STK3: variants seen among roughly 807,000 people sequenced by gnomAD.
STK3 encodes serine/threonine-protein kinase 3.
STK3 carries 41 observed loss-of-function variants against 58.0 expected under a neutral mutation model. The ratio of observed to expected loss-of-function variants is 0.71; its 90% CI spans 0.55 to 0.92. The LOEUF (loss-of-function observed/expected upper bound fraction) is 0.92, where lower values mean the gene tolerates loss of function less well. Ranked by LOEUF, STK3 falls within the 40% of genes least tolerant of loss-of-function variation. STK3 has a pLI of 0.00. For synonymous variants in STK3, 170 were observed against 191.0 expected (o/e 0.89, Z 0.91); for missense variants, 479 against 602.7 (o/e 0.79, Z 2.15).
intron 3 of STK3, among the ~76,000 whole-genome samples, chr8:98,858,313 TATATATATATAGAG>T (rs1422922800): frequency 2.0e-4 from 13 of 64,748 alleles, no homozygotes; most frequent in African/African-American, 4.0e-4. Context: ...TATATATATA[TATATATATATAGAG>T]AGAGAGAGAG....
chr8:98,789,712 T>C (rs1260882678), intron 1 of STK3, among the ~76,000 whole-genome samples: 1 of 152,048 alleles, frequency 6.6e-6, no homozygotes, highest in Non-Finnish European at 1.5e-5. Context: ...CAGGAAGAAT[T>C]AGATACCCTG....
chr8:98,803,805 A>G (rs978951397), intron 1 of STK3, among the ~76,000 whole-genome samples: 1 of 152,116 alleles, frequency 6.6e-6, no homozygotes, highest in Non-Finnish European at 1.5e-5. Context: ...CATTCAATAC[A>G]CACTTACTGA....
At chr8:98,488,877 T>C (rs751549123) in intron 10 of STK3, among the ~76,000 whole-genome samples, 1 of 152,208 alleles carries the variant, frequency 6.6e-6, no homozygotes, top group Non-Finnish European at 1.5e-5. Context: ...CTATTGCAAC[T>C]ACATGTAGCC....
intron 4 of STK3, among the ~76,000 whole-genome samples, chr8:98,710,591 G>C (rs1826330890): frequency 6.6e-6 from 1 of 152,230 alleles, no homozygotes; most frequent in Admixed American, 6.5e-5. Flanking sequence ...GCGAGGCTGG[G>C]GGAGGGGCGC....
In STK3 at chr8:98,670,718, C is replaced by G. The variant is rs751268584; in HGVS notation, c.684+35749G>C. On this transcript the variant is annotated intron_variant, in intron 6 of 10. Coordinates refer to ENST00000419617, the MANE Select transcript of STK3 (RefSeq NM_006281.4). ...ACTACCTGTGGCCCATGGGCCCCCCCGATCCTGTGCCCATAAAAACCCCAG... is the reference window on the plus strand; with the variant it reads ...ACTACCTGTGGCCCATGGGCCCCCCGGATCCTGTGCCCATAAAAACCCCAG... Among the ~76,000 whole-genome samples the G allele has an allele frequency of 8.1e-4, 124 of 152,176 alleles. 3 individuals are homozygous for G. Among genetic ancestry groups the G allele is most frequent in the Middle Eastern group, 3.2e-3 (1 of 316 alleles).
At chr8:98,568,256 C>A (rs1206815724) in intron 8 of STK3, among the ~76,000 whole-genome samples, 1 of 152,074 alleles carries the variant, frequency 6.6e-6, no homozygotes. Flanking sequence ...TACAATAAAG[C>A]CACAGAAAAG....
intron 8 of STK3, among the ~76,000 whole-genome samples, chr8:98,572,946 A>C (rs1202506373): frequency 6.6e-6 from 1 of 152,190 alleles, no homozygotes; most frequent in Non-Finnish European, 1.5e-5. Flanking sequence ...AAAAATCATA[A>C]AAACCTGACA....
chr8:98,433,341 A>C (rs1818371733), intron 3 of STK3, among the ~76,000 whole-genome samples: 1 of 152,116 alleles, frequency 6.6e-6, no homozygotes, highest in Admixed American at 6.5e-5. Context: ...TAGGCTCCCT[A>C]ATAGTAAATT....
At chr8:98,362,982 A>G in the STK3 span, among the ~76,000 whole-genome samples, 1 of 152,220 alleles carries the variant, frequency 6.6e-6, no homozygotes, top group Admixed American at 6.5e-5. Context: ...TGACACAATC[A>G]TTATCAGTCT....
Position 98,596,148 on chromosome 8 carries a change from T to A in STK3, c.706A>T (p.Asn236Tyr). ...GGCTTTCTGAATGTTGGTGGTGGATTTGTGGGAATCATAAAAATAGCCTAG... is the reference window on the plus strand; with the variant it reads ...GGCTTTCTGAATGTTGGTGGTGGATATGTGGGAATCATAAAAATAGCCTAG... ...PMRAIFMIPT[N>Y]PPPTFRKPEL... The change falls in exon 7 of 11, where the codon AAT becomes TAT. Residue 236 changes from asparagine to tyrosine, a missense_variant. Physicochemically the swap from Asn to Tyr is moderately radical, Grantham distance 143. Around this residue, in one of 3 missense-constraint regions of STK3, gnomAD observed 309 missense variants for 355.7 expected, o/e 0.87. Transcript: ENST00000419617. 6.2e-7 allele frequency: 1 copy of A among 1,612,848 alleles called. No homozygotes were observed. The highest frequency in any genetic ancestry group is 8.5e-7 in the Non-Finnish European group (1 of 1,179,400).
At chr8:98,488,724 A>G (rs1437675280) in intron 10 of STK3, among the ~76,000 whole-genome samples, 2 of 152,220 alleles carry the variant, frequency 1.3e-5, no homozygotes, top group African/African-American at 4.8e-5. Flanking sequence ...CCTAAAAATA[A>G]CAGCAAAACT....
chr8:98,748,218 G>A (rs1343389806), intron 4 of STK3, among the ~76,000 whole-genome samples: 1 of 152,086 alleles, frequency 6.6e-6, no homozygotes, highest in African/African-American at 2.4e-5. Flanking sequence ...CTCTAACTGG[G>A]ATATAATTAC....
intron 10 of STK3, chr8:98,463,156 A>C (rs960402987): frequency 6.6e-6 from 1 of 152,204 alleles, no homozygotes; most frequent in Non-Finnish European, 1.5e-5. Context: ...GATATGAGTT[A>C]TCATTATTTT....
At chr8:98,403,884 A>G (rs772063878) in intron 3 of STK3, among the ~76,000 whole-genome samples, 4 of 152,234 alleles carry the variant, frequency 2.6e-5, no homozygotes, top group Non-Finnish European at 5.9e-5. Context: ...CCTCTAAAAC[A>G]AGAGAAATGA....
chr8:98,695,675 C>T (rs113399309), intron 6 of STK3, among the ~76,000 whole-genome samples: 2,169 of 152,222 alleles, frequency 0.014, 18 homozygotes, highest in South Asian at 0.029. Context: ...AGCATTATTT[C>T]TGAGGGCTCT....
chr8:98,497,614 C>A (rs557717910), intron 10 of STK3, among the ~76,000 whole-genome samples: 5 of 151,972 alleles, frequency 3.3e-5, no homozygotes, highest in Non-Finnish European at 5.9e-5. Flanking sequence ...GACTAATAAC[C>A]AATTTAAAAA....
At chr8:98,422,997 G>C (rs1360718028) in intron 3 of STK3, among the ~76,000 whole-genome samples, 1 of 152,210 alleles carries the variant, frequency 6.6e-6, no homozygotes, top group Non-Finnish European at 1.5e-5. Context: ...CTAGGACTGA[G>C]ATCTACTAAG....
intron 3 of STK3, among the ~76,000 whole-genome samples, chr8:98,832,643 C>A (rs1391027779): frequency 1.3e-5 from 2 of 152,116 alleles, no homozygotes; most frequent in African/African-American, 4.8e-5. Context: ...GACCGCCTAT[C>A]CTGTCATGGC....
intron 3 of STK3, among the ~76,000 whole-genome samples, chr8:98,870,187 T>C (rs575738622): frequency 2.0e-5 from 3 of 152,364 alleles, no homozygotes; most frequent in East Asian, 3.9e-4. Flanking sequence ...TCCTTTTTTA[T>C]GGCTGCATAG....
Sources: gnomAD v4.1 joint callset for allele counts (sites outside exome capture counted in the v4.1 genomes callset) on GRCh38, gnomAD v4.1.1 for gene constraint, gnomAD v4.1.1 regional missense constraint, MANE v1.5 for transcripts, NCBI Gene and HGNC (gene_info 2026-07-23, HGNC 2026-07-21) for gene names.